Variants in CEP112 observed in about 807,000 individuals in gnomAD.
CEP112 encodes centrosomal protein of 112 kDa.
A neutral mutation model predicts 153.0 loss-of-function variants in CEP112; 127 were observed. The observed-to-expected ratio is 0.83, with a 90% CI of 0.72 to 0.96. CEP112 has a LOEUF of 0.96. CEP112 is among the 40% of genes least tolerant of loss of function. The pLI is 0.00. For missense variants in CEP112, 1,089 were observed against 1,101.2 expected (o/e 0.99, Z 0.16); for synonymous variants, 358 against 374.4 (o/e 0.96, Z 0.51).
intron 23 of CEP112, among the ~76,000 whole-genome samples, chr17:65,708,797 G>A (rs1411643054): frequency 1.3e-5 from 2 of 152,174 alleles, no homozygotes; most frequent in Non-Finnish European, 2.9e-5. Flanking sequence ...CCAGAACACC[G>A]TTATTTGACC....
intron 20 of CEP112, among the ~76,000 whole-genome samples, chr17:65,856,194 A>G (rs189621367): frequency 6.6e-6 from 1 of 152,218 alleles, no homozygotes; most frequent in Non-Finnish European, 1.5e-5. Flanking sequence ...GATAGGAAAA[A>G]GAGCAAGTTA....
At chr17:66,148,001 C>T (rs771236199) in intron 4 of CEP112, among the ~76,000 whole-genome samples, 1 of 152,094 alleles carries the variant, frequency 6.6e-6, no homozygotes, top group Non-Finnish European at 1.5e-5. Context: ...CAAGTGATTC[C>T]ATGTGAACTT....
At chr17:65,916,301 T>TGTGTGTGTGTGTGTGTGTGGGGGG in intron 19 of CEP112, among the ~76,000 whole-genome samples, 1 of 80,004 alleles carries the variant, frequency 1.2e-5, no homozygotes. Flanking sequence ...GTATGTGTGG[T>TGTGTGTGTGTGTGTGTGTGGGGGG]AGGAGTAGTG....
intron 23 of CEP112, among the ~76,000 whole-genome samples, chr17:65,726,140 A>T (rs898879821): frequency 5.3e-5 from 8 of 152,056 alleles, no homozygotes; most frequent in African/African-American, 1.9e-4. Context: ...GGAGTTTGAG[A>T]CTAGCCTGGC....
chr17:65,875,621 T>G (rs2058802143), intron 20 of CEP112, among the ~76,000 whole-genome samples: 1 of 152,210 alleles, frequency 6.6e-6, no homozygotes, highest in African/African-American at 2.4e-5. Context: ...ATTCTCTTAT[T>G]GGTTATTTCT....
At chr17:65,976,335 G>C (rs2063032480) in intron 17 of CEP112, among the ~76,000 whole-genome samples, 1 of 152,220 alleles carries the variant, frequency 6.6e-6, no homozygotes, top group Non-Finnish European at 1.5e-5. Flanking sequence ...GAGAGGGGAA[G>C]AGCATGTTAT....
intron 2 of CEP112, chr17:66,182,407 T>C (rs1213950671): frequency 6.6e-6 from 1 of 152,188 alleles, no homozygotes; most frequent in Admixed American, 6.5e-5. Context: ...TTAAGGGGGA[T>C]TGCTATATTT....
chr17:65,766,599 A>C (rs551025265), intron 21 of CEP112, among the ~76,000 whole-genome samples: 1 of 152,276 alleles, frequency 6.6e-6, no homozygotes, highest in East Asian at 1.9e-4. Context: ...TTCAATGAAC[A>C]AAAAATCAAG....
intron 21 of CEP112, among the ~76,000 whole-genome samples, chr17:65,846,626 T>G (rs151321847): frequency 6.6e-6 from 1 of 152,232 alleles, no homozygotes; most frequent in Non-Finnish European, 1.5e-5. Context: ...TGAAGCACAG[T>G]GGCGCAATCT....
intron 20 of CEP112, among the ~76,000 whole-genome samples, chr17:65,887,930 A>G (rs2059339112): frequency 6.6e-6 from 1 of 152,038 alleles, no homozygotes; most frequent in Non-Finnish European, 1.5e-5. Context: ...GACAATTTCA[A>G]AGCAGGTAAA....
rs530808922 is a variant in CEP112 at position 65,901,917 on chromosome 17, C to T, written c.2163+235G>A. ...CATAAAAAAGGGGGCCAAGTTATAG[C>T]GCGCCATGGGATTTTTAATCTGGCT... On this transcript the variant is annotated intron_variant, in intron 20 of 26. Coordinates refer to ENST00000535342, the MANE Select transcript of CEP112 (RefSeq NM_001199165.4). Among the ~76,000 whole-genome samples, 172 of 126,948 alleles carry T rather than the reference C, an allele frequency of 1.4e-3. 1 individual carries two copies. Among genetic ancestry groups the T allele is most frequent in the African/African-American group, 5.0e-3 (162 of 32,496 alleles). The allele number at this position is 126,948 out of a possible 152,430, so 83.3% of individuals were successfully genotyped here. A position where few individuals can be genotyped will look rare whatever the true frequency, so the allele number is the denominator to read the frequency against.
chr17:66,028,451 T>C (rs911899916), intron 14 of CEP112, 46 bp from the exon 15 acceptor site: 6 of 1,041,088 alleles, frequency 5.8e-6, no homozygotes, highest in East Asian at 2.8e-5. Context: ...TTGATTTTTG[T>C]ACCATATTAT....
chr17:66,014,693 C>T (rs1213129745), intron 16 of CEP112, among the ~76,000 whole-genome samples: 2 of 152,146 alleles, frequency 1.3e-5, no homozygotes, highest in Non-Finnish European at 2.9e-5. Context: ...TCACCCATTC[C>T]CCAGGAGACA....
In CEP112 at chr17:65,716,309, A is replaced by T. The variant is rs375705925; in HGVS notation, c.2607+26759T>A. On this transcript the variant is annotated intron_variant, in intron 23 of 26. Coordinates refer to ENST00000535342, the MANE Select transcript of CEP112 (RefSeq NM_001199165.4). ...GTAGCTGGGATTACAGGTGCCCGCC[A>T]CCATGCCAGGCTAATTTTTTTTTGT... Among the ~76,000 whole-genome samples the T allele has an allele frequency of 1.9e-4, 29 of 152,186 alleles. No homozygotes were observed. In the South Asian group the frequency reaches 5.8e-3, roughly 31 times the overall value.
chr17:65,786,845 C>T (rs1299251129), intron 21 of CEP112, among the ~76,000 whole-genome samples: 2 of 152,110 alleles, frequency 1.3e-5, no homozygotes, highest in African/African-American at 4.8e-5. Context: ...CTTCGTCTCC[C>T]TAAGTGCTGG....
intron 17 of CEP112, among the ~76,000 whole-genome samples, chr17:65,994,544 GT>G (rs2145299097): frequency 6.6e-6 from 1 of 152,234 alleles, no homozygotes; most frequent in East Asian, 1.9e-4. Flanking sequence ...GCCTAAGCTG[GT>G]TTCAAACTCA....
chr17:65,680,846 G>A (rs1352359707), intron 24 of CEP112, among the ~76,000 whole-genome samples: 4 of 152,196 alleles, frequency 2.6e-5, no homozygotes, highest in South Asian at 4.1e-4. Flanking sequence ...GCAGGAGACA[G>A]AGTGAGTGAG....
intron 16 of CEP112, among the ~76,000 whole-genome samples, chr17:66,012,786 G>T (rs2064591914): frequency 6.6e-6 from 1 of 152,122 alleles, no homozygotes. Context: ...AGCAAGGTTG[G>T]GGAAATTTTT....
intron 23 of CEP112, among the ~76,000 whole-genome samples, chr17:65,699,184 G>A (rs1179040915): frequency 6.6e-6 from 1 of 152,182 alleles, no homozygotes; most frequent in Non-Finnish European, 1.5e-5. Flanking sequence ...AACTTCACCA[G>A]AGCAGCGGCC....
Sources: allele counts gnomAD v4.1 joint callset (sites outside exome capture counted in the v4.1 genomes callset), GRCh38; gene constraint gnomAD v4.1.1; transcripts MANE v1.5; gene names NCBI Gene and HGNC (gene_info 2026-07-23, HGNC 2026-07-21).